CELF2: variants seen among roughly 807,000 people sequenced by gnomAD.
CELF2 encodes the protein CUG triplet repeat RNA-binding protein 2.
CELF2 carries 8 observed loss-of-function variants against 62.6 expected under a neutral mutation model. The ratio of observed to expected loss-of-function variants is 0.13; its 90% confidence interval spans 0.07 to 0.23. CELF2 has a LOEUF of 0.23. Among genes scored for constraint, CELF2 ranks in the 10% least tolerant of loss-of-function variants. The pLI, the probability that CELF2 is intolerant of heterozygous loss-of-function variation, is 1.00. For missense variants in CELF2, 333 were observed against 671.0 expected (o/e 0.50, Z 5.56); for synonymous variants, 258 against 250.0 (o/e 1.03, Z -0.30).
rs1342809510 is a variant in CELF2 at position 10,938,015 on chromosome 10, T to C, written c.89+18016T>C. ...AAATTCTTCTCTACTTTCGACTCTA[T>C]TCCCATTCAGTCTATCCCCTCAACT... On this transcript the variant is annotated intron_variant, in intron 2 of 13. Transcript: ENST00000636488. The surrounding 1 kb of genome is among the most constrained non-coding windows in gnomAD (Gnocchi z 4.2). Among the ~76,000 whole-genome samples the C allele has an allele frequency of 6.6e-6, 1 of 152,216 alleles. No individual in the cohort carries two copies. The highest frequency in any genetic ancestry group is 6.5e-5 in the Admixed American group (1 of 15,286).
the CELF2 span, among the ~76,000 whole-genome samples, chr10:10,613,462 C>A: frequency 6.6e-6 from 1 of 152,152 alleles, no homozygotes; most frequent in African/African-American, 2.4e-5. Flanking sequence ...ATGTGGTGAT[C>A]GTATGGCTGA....
chr10:10,708,300 A>C, the CELF2 span, among the ~76,000 whole-genome samples: 280 of 152,280 alleles, frequency 1.8e-3, 1 homozygote, highest in African/African-American at 6.4e-3. Flanking sequence ...GGCTTTACAG[A>C]AGAGGAAATT....
the CELF2 span, among the ~76,000 whole-genome samples, chr10:10,683,747 G>GAA: frequency 7.2e-5 from 11 of 152,192 alleles, no homozygotes; most frequent in African/African-American, 2.6e-4. Flanking sequence ...GGTTATGAAA[G>GAA]AAAAAAACTT....
chr10:10,611,977 G>T, the CELF2 span, among the ~76,000 whole-genome samples: 1 of 152,112 alleles, frequency 6.6e-6, no homozygotes, highest in African/African-American at 2.4e-5. Context: ...CATGATTTCA[G>T]CCTAATATGT....
At chr10:10,508,250 A>T in the CELF2 span, among the ~76,000 whole-genome samples, 88,461 of 151,874 alleles carry the variant, frequency 0.58, 26,171 homozygotes, top group East Asian at 0.89. Flanking sequence ...CCTTCACGGT[A>T]GTACCATGCT....
At chr10:10,942,737 G>T (rs756576840) in intron 2 of CELF2, among the ~76,000 whole-genome samples, 2 of 152,152 alleles carry the variant, frequency 1.3e-5, no homozygotes, top group Non-Finnish European at 2.9e-5. Context: ...TGCTTTATAC[G>T]CAGACTTGAT....
chr10:10,808,874 AAAACC>A (rs2055529722), intron 1 of CELF2, among the ~76,000 whole-genome samples: 2 of 152,194 alleles, frequency 1.3e-5, no homozygotes, highest in South Asian at 4.1e-4. Flanking sequence ...TCAGAAAGAG[AAAACC>A]AAACCAAACT....
chr10:10,763,104 C>A, the CELF2 span, among the ~76,000 whole-genome samples: 5,758 of 152,242 alleles, frequency 0.038, 200 homozygotes, highest in East Asian at 0.19. Context: ...GCTCATTTTA[C>A]AAAACATACA....
At chr10:11,119,233 TA>T (rs1220656083) in intron 1 of CELF2, among the ~76,000 whole-genome samples, 1 of 152,228 alleles carries the variant, frequency 6.6e-6, no homozygotes, top group African/African-American at 2.4e-5. Flanking sequence ...AACTTGAGCA[TA>T]TTTAAGAGAG....
chr10:10,795,068 G>A (rs1038838037), upstream of CELF2: 10 of 152,190 alleles, frequency 6.6e-5, no homozygotes, highest in East Asian at 1.5e-3. Context: ...GGTACAAACA[G>A]TGGGCTTTAT....
In CELF2 at chr10:11,319,507, C is replaced by A. The variant is rs1183452375; in HGVS notation, c.1097-1682C>A. 1.3e-5 allele frequency among the ~76,000 whole-genome samples: 2 copies of A among 152,160 alleles called. No individual in the cohort carries two copies. Among genetic ancestry groups the A allele is most frequent in the Non-Finnish European group, 2.9e-5 (2 of 68,032 alleles). ...ACAGTCTGCATCCAAGCTCTTTGGACAGCACTTACTTGCATGACCCAAAGA... is the reference window on the plus strand; with the variant it reads ...ACAGTCTGCATCCAAGCTCTTTGGAAAGCACTTACTTGCATGACCCAAAGA... On this transcript the variant is annotated intron_variant, in intron 10 of 12. Coordinates refer to ENST00000633077, the MANE Select transcript of CELF2 (RefSeq NM_001326342.2). This position sits in a 1 kb window ranked among gnomAD's most constrained non-coding sequence, Gnocchi z 4.4.
At chr10:10,575,495 G>A in the CELF2 span, among the ~76,000 whole-genome samples, 404 of 152,286 alleles carry the variant, frequency 2.7e-3, 2 homozygotes, top group African/African-American at 9.0e-3. Flanking sequence ...TTTGTTGAGT[G>A]TGTTTTATGC....
intron 1 of CELF2, among the ~76,000 whole-genome samples, chr10:10,893,557 A>G (rs1247365912): frequency 6.6e-6 from 1 of 152,184 alleles, no homozygotes; most frequent in Non-Finnish European, 1.5e-5. Context: ...ATCCATTCTC[A>G]CATTGCTATA....
chr10:10,637,998 G>T, the CELF2 span, among the ~76,000 whole-genome samples: 1 of 152,020 alleles, frequency 6.6e-6, no homozygotes, highest in Non-Finnish European at 1.5e-5. Context: ...CCTTGAGTTC[G>T]GGGGATGAAT....
At chr10:10,523,628 G>C in the CELF2 span, among the ~76,000 whole-genome samples, 2 of 151,196 alleles carry the variant, frequency 1.3e-5, no homozygotes, top group Non-Finnish European at 3.0e-5. Flanking sequence ...ACGGGGCTGG[G>C]GACATCATGA....
intron 2 of CELF2, among the ~76,000 whole-genome samples, chr10:10,970,033 A>G (rs982728330): frequency 1.3e-5 from 2 of 152,142 alleles, no homozygotes; most frequent in Non-Finnish European, 2.9e-5. Flanking sequence ...ACATCTTTAG[A>G]ACTGGGTAAT....
At chr10:11,083,679 C>T (rs767854978) in intron 1 of CELF2, among the ~76,000 whole-genome samples, 12 of 152,088 alleles carry the variant, frequency 7.9e-5, no homozygotes, top group East Asian at 1.9e-4. Context: ...CCCATCTCAC[C>T]GAGTTGAGTG....
At chr10:10,792,288 G>T in the CELF2 span, 1 of 397,300 alleles carries the variant, frequency 2.5e-6, no homozygotes, top group South Asian at 1.4e-4. Flanking sequence ...GTCTTCAAGT[G>T]AATCTGTGGT....
the CELF2 span, among the ~76,000 whole-genome samples, chr10:10,777,778 C>T: frequency 6.6e-6 from 1 of 152,176 alleles, no homozygotes; most frequent in African/African-American, 2.4e-5. Flanking sequence ...AAACCTGACT[C>T]CATAGCTCTT....
Sources: allele counts gnomAD v4.1 joint callset (sites outside exome capture counted in the v4.1 genomes callset), GRCh38; gene constraint gnomAD v4.1.1; non-coding constraint Gnocchi (gnomAD v3.1); transcripts MANE v1.5; gene names NCBI Gene and HGNC (gene_info 2026-07-23, HGNC 2026-07-21).